Variants in ZMAT4 observed in about 807,000 individuals in gnomAD.
ZMAT4 encodes zinc finger matrin-type protein 4.
ZMAT4 carries 17 observed loss-of-function variants against 28.7 expected under a neutral mutation model. That is an observed-to-expected ratio of 0.59 (90% CI 0.41 to 0.89). The LOEUF (loss-of-function observed/expected upper bound fraction) is 0.89, where lower values mean the gene tolerates loss of function less well. Among genes scored for constraint, ZMAT4 ranks in the 40% least tolerant of loss-of-function variants. The probability of loss-of-function intolerance (pLI) is 0.00; values close to 1 mark genes in which losing one functional copy is unlikely to be tolerated. For synonymous variants in ZMAT4, 117 were observed against 109.2 expected, an observed-to-expected ratio of 1.07 and a Z score of -0.44; for missense variants, 240 against 283.8, an observed-to-expected ratio of 0.85 and a Z score of 1.11.
chr8:40,778,911 T>C (rs1813712684), intron 2 of ZMAT4, among the ~76,000 whole-genome samples: 1 of 152,192 alleles, frequency 6.6e-6, no homozygotes. Flanking sequence ...TGCAGGACTT[T>C]TATTTTAAAT....
intron 6 of ZMAT4, among the ~76,000 whole-genome samples, chr8:40,544,701 G>A (rs1422584338): frequency 6.6e-6 from 1 of 152,104 alleles, no homozygotes; most frequent in East Asian, 1.9e-4. Context: ...AAAAGTAGCA[G>A]AGACAGTGCA....
intron 1 of ZMAT4, among the ~76,000 whole-genome samples, chr8:40,857,809 T>C (rs1386679496): frequency 6.6e-6 from 1 of 152,178 alleles, no homozygotes; most frequent in Non-Finnish European, 1.5e-5. Flanking sequence ...TTGGTATATG[T>C]ATACACTGGA....
chr8:40,677,078 T>G (rs992103400), intron 4 of ZMAT4, among the ~76,000 whole-genome samples: 15 of 152,192 alleles, frequency 9.9e-5, no homozygotes, highest in Admixed American at 9.8e-4. Context: ...ATGTTGACTC[T>G]TGAAGCATAA....
At chr8:40,760,216 C>A (rs536016418) in intron 3 of ZMAT4, among the ~76,000 whole-genome samples, 4 of 152,192 alleles carry the variant, frequency 2.6e-5, no homozygotes, top group Non-Finnish European at 4.4e-5. Context: ...TCTCCAACAC[C>A]CAGCTCCTTC....
intron 5 of ZMAT4, among the ~76,000 whole-genome samples, chr8:40,639,231 T>A (rs751409469): frequency 2.6e-5 from 4 of 152,238 alleles, no homozygotes; most frequent in Non-Finnish European, 4.4e-5. Flanking sequence ...TATCTATCAC[T>A]GCTTTGCACA....
At chr8:40,684,016 C>T (rs1405313855) in intron 4 of ZMAT4, among the ~76,000 whole-genome samples, 1 of 151,428 alleles carries the variant, frequency 6.6e-6, no homozygotes, top group Non-Finnish European at 1.5e-5. Context: ...TACAGTGAAC[C>T]ATATTTGTGC....
intron 1 of ZMAT4, among the ~76,000 whole-genome samples, chr8:40,896,044 C>T (rs995786185): frequency 8.6e-5 from 13 of 151,926 alleles, no homozygotes; most frequent in African/African-American, 2.2e-4. Flanking sequence ...CAGAAGAGAA[C>T]GCTGATGGTA....
chr8:40,836,080 G>C (rs373296855), intron 1 of ZMAT4, among the ~76,000 whole-genome samples: 5 of 152,282 alleles, frequency 3.3e-5, no homozygotes, highest in African/African-American at 1.2e-4. Context: ...AAATCTTTCC[G>C]TTAGAACTTC....
chr8:40,723,542 CAAAAAAAA>C (rs58513087), intron 3 of ZMAT4, among the ~76,000 whole-genome samples: 1 of 66,850 alleles, frequency 1.5e-5, no homozygotes, highest in African/African-American at 5.9e-5. Flanking sequence ...GATTCCATCT[CAAAAAAAA>C]AAAAAAAAAA....
At chr8:40,808,175 C>T (rs1815167803) in intron 2 of ZMAT4, among the ~76,000 whole-genome samples, 1 of 152,006 alleles carries the variant, frequency 6.6e-6, no homozygotes, top group Non-Finnish European at 1.5e-5. Flanking sequence ...GCAATAACAG[C>T]CCACAGGGCA....
intron 2 of ZMAT4, among the ~76,000 whole-genome samples, chr8:40,784,387 T>G (rs182027106): frequency 1.2e-4 from 18 of 152,274 alleles, no homozygotes; most frequent in Admixed American, 8.5e-4. Flanking sequence ...ATTTTAAAAA[T>G]TCAAGTAGCT....
At chr8:40,805,847 A>G (rs968880808) in intron 2 of ZMAT4, among the ~76,000 whole-genome samples, 3 of 151,510 alleles carry the variant, frequency 2.0e-5, no homozygotes, top group African/African-American at 7.3e-5. Flanking sequence ...CGAGATGACG[A>G]GTTAGTGGGT....
chr8:40,676,314 G>C (rs1046365846), intron 4 of ZMAT4, among the ~76,000 whole-genome samples: 2 of 152,000 alleles, frequency 1.3e-5, no homozygotes, highest in Admixed American at 6.6e-5. Flanking sequence ...ATTTCATATA[G>C]GATTTCATTA....
intron 4 of ZMAT4, among the ~76,000 whole-genome samples, chr8:40,681,047 T>C (rs1199282192): frequency 2.6e-5 from 4 of 152,198 alleles, no homozygotes; most frequent in African/African-American, 9.6e-5. Context: ...CCTTGTGTTT[T>C]CTTAAGTTAC....
intron 6 of ZMAT4, among the ~76,000 whole-genome samples, chr8:40,534,721 C>T (rs1009187923): frequency 9.4e-5 from 12 of 127,748 alleles, no homozygotes; most frequent in Admixed American, 3.9e-4. Context: ...CACGCTTTGT[C>T]GCCCAGGCTG....
chr8:40,643,477 T>G (rs572993653), intron 5 of ZMAT4, among the ~76,000 whole-genome samples: 1 of 152,238 alleles, frequency 6.6e-6, no homozygotes, highest in South Asian at 2.1e-4. Context: ...ATTGAGTCAC[T>G]AAATAAATAC....
Position 40,776,469 on chromosome 8 carries a change from A to G in ZMAT4, c.103-8739T>C, listed in dbSNP as rs575142813. 3.3e-5 allele frequency among the ~76,000 whole-genome samples: 5 copies of G among 152,340 alleles called. No homozygotes were observed. The East Asian group carries it at 9.6e-4, about 29-fold the overall frequency. On this transcript the variant is annotated intron_variant, in intron 2 of 6. Coordinates refer to ENST00000297737, the MANE Select transcript of ZMAT4 (RefSeq NM_024645.3). ...AAATAAAAGTCCTGCAACTCAAAAA[A>G]TTAAATTACCACCAAAGCCTGGAGG... is the stretch of plus-strand genomic sequence containing the variant.
At chr8:40,878,264 C>A (rs747012857) in intron 1 of ZMAT4, among the ~76,000 whole-genome samples, 1 of 152,162 alleles carries the variant, frequency 6.6e-6, no homozygotes, top group Non-Finnish European at 1.5e-5. Context: ...AAACCTGTCC[C>A]CCCAGTCCTC....
At chr8:40,603,507 G>T (rs1805469824) in intron 5 of ZMAT4, among the ~76,000 whole-genome samples, 1 of 152,134 alleles carries the variant, frequency 6.6e-6, no homozygotes, top group African/African-American at 2.4e-5. Context: ...TTTGTAGATT[G>T]CTTTTGTCAG....
Sources: gnomAD v4.1 joint callset for allele counts (sites outside exome capture counted in the v4.1 genomes callset) on GRCh38, gnomAD v4.1.1 for gene constraint, MANE v1.5 for transcripts, NCBI Gene and HGNC (gene_info 2026-07-23, HGNC 2026-07-21) for gene names.